Variants in DNAH8 observed in about 807,000 individuals in gnomAD.
DNAH8 encodes the protein dynein axonemal heavy chain 8.
In DNAH8, 382 loss-of-function variants were observed where a neutral mutation model predicts 562.1. The ratio of observed to expected loss-of-function variants is 0.68; its 90% CI spans 0.63 to 0.74. The LOEUF (loss-of-function observed/expected upper bound fraction) is 0.74, where lower values mean the gene tolerates loss of function less well. DNAH8 is among the 30% of genes least tolerant of loss of function. DNAH8 has a pLI of 0.00. For missense variants in DNAH8, 5,203 were observed against 5,620.4 expected (o/e 0.93, Z 2.37); for synonymous variants, 1,881 against 1,919.4 (o/e 0.98, Z 0.52).
chr6:38,782,173 C>G (rs1470350090), intron 16 of DNAH8, among the ~76,000 whole-genome samples: 1 of 151,992 alleles, frequency 6.6e-6, no homozygotes, highest in East Asian at 1.9e-4. Flanking sequence ...GACTCAGTTG[C>G]TGATTGACTT....
chr6:38,872,601 A>C lies in DNAH8; in HGVS notation c.7056A>C (p.Thr2352=). ...MTLGPSGSGK[T]TVITILMKAQ... is the part of the protein sequence containing the mutation. ...TTGGGCCCAGTGGTTCTGGAAAGACAACCGTTATCACGATTCTAATGAAGG... is the reference window on the plus strand; with the variant it reads ...TTGGGCCCAGTGGTTCTGGAAAGACCACCGTTATCACGATTCTAATGAAGG... The change falls in exon 50 of 93, where the codon ACA becomes ACC. Residue 2352 remains threonine, a synonymous_variant. Transcript: ENST00000327475. The C allele has an allele frequency of 6.2e-7, 1 of 1,614,106 alleles. No homozygotes were observed. Among genetic ancestry groups the C allele is most frequent in the Non-Finnish European group, 8.5e-7 (1 of 1,179,966 alleles).
chr6:38,853,209 A>G lies in DNAH8; in HGVS notation c.5595A>G (p.Lys1865=), dbSNP rs200981518. 1 of 1,609,688 alleles carries G rather than the reference A, an allele frequency of 6.2e-7. No individual in the cohort carries two copies. The highest frequency in any genetic ancestry group is 2.2e-5 in the East Asian group (1 of 44,780). The change falls in exon 41 of 93, where the codon AAA becomes AAG. Residue 1865 remains lysine, a synonymous_variant. Coordinates refer to ENST00000327475, the MANE Select transcript of DNAH8 (RefSeq NM_001206927.2). ...AGTTGGATAATTCTGTTATGGCCAAAGGTCCTGTGGAGATTTGGCTACTGG... is the reference window on the plus strand; with the variant it reads ...AGTTGGATAATTCTGTTATGGCCAAGGGTCCTGTGGAGATTTGGCTACTGG... ...KIVLDNSVMA[K]GPVEIWLLDL...
intron 24 of DNAH8, among the ~76,000 whole-genome samples, chr6:38,809,048 C>A (rs1771556617): frequency 6.6e-6 from 1 of 151,474 alleles, no homozygotes; most frequent in African/African-American, 2.4e-5. Context: ...ATGTAACAAA[C>A]CTGCATGTTC....
At chr6:39,000,489 C>T (rs1765417202) in intron 88 of DNAH8, among the ~76,000 whole-genome samples, 2 of 152,136 alleles carry the variant, frequency 1.3e-5, no homozygotes, top group South Asian at 2.1e-4. Flanking sequence ...GCTCTGCTTC[C>T]CGTCAGATCA....
chr6:38,782,622 T>A (rs112020536), intron 16 of DNAH8, among the ~76,000 whole-genome samples: 1 of 152,172 alleles, frequency 6.6e-6, no homozygotes, highest in South Asian at 2.1e-4. Flanking sequence ...GGTTACCTTT[T>A]TTTGCGTGCT....
At chr6:38,888,400 T>C (rs1344609871) in intron 57 of DNAH8, among the ~76,000 whole-genome samples, 1 of 152,080 alleles carries the variant, frequency 6.6e-6, no homozygotes, top group Non-Finnish European at 1.5e-5. Flanking sequence ...TTTGACTAGA[T>C]TGAAATGTAA....
rs752620022 is a variant in DNAH8 at position 38,909,718 on chromosome 6, A to C, written c.9714A>C (p.Ser3238=). The C allele has an allele frequency of 1.2e-6, 2 of 1,614,090 alleles. No individual in the cohort carries two copies. The highest frequency in any genetic ancestry group is 1.7e-6 in the Non-Finnish European group (2 of 1,179,938). The part of the protein sequence containing the change: ...ETMGLFHDMV[S]ESCESYFQRY... Reference sequence around the variant, plus strand: ...TGGGCCTGTTTCATGACATGGTTTCAGAGAGCTGTGAAAGTTATTTCCAAA... The same window carrying C: ...TGGGCCTGTTTCATGACATGGTTTCCGAGAGCTGTGAAAGTTATTTCCAAA... Residue 3238 remains serine (S), a synonymous_variant, in exon 65 of 93, where the codon TCA becomes TCC. Transcript: ENST00000327475.
At chr6:38,732,547 G>T (rs1023195685) in intron 4 of DNAH8, among the ~76,000 whole-genome samples, 1 of 152,130 alleles carries the variant, frequency 6.6e-6, no homozygotes, top group Non-Finnish European at 1.5e-5. Context: ...GCAGTGTTTC[G>T]GGAGGCGGAA....
chr6:38,870,500 GC>G lies in DNAH8; in HGVS notation c.6931del (p.His2311IlefsTer5). ...TTATGCAGAACTGCAAAACGCAGTAGCCCATCAGGTTCAGATAGAGGGTTTG... is the reference window on the plus strand; with the variant it reads ...TTATGCAGAACTGCAAAACGCAGTAGCCATCAGGTTCAGATAGAGGGTTTG... The part of the protein sequence containing the change: ...NTYAELQNAV[A>X]HQVQIEGLIN... On this transcript the variant is annotated frameshift_variant, in exon 49 of 93. Transcript: ENST00000327475. LOFTEE classifies it high-confidence loss of function. 1 of 1,614,018 alleles carries G rather than the reference GC, an allele frequency of 6.2e-7. No homozygotes were observed. Among genetic ancestry groups the G allele is most frequent in the Non-Finnish European group, 8.5e-7 (1 of 1,179,960 alleles).
chr6:38,967,944 A>G (rs971439454), intron 82 of DNAH8, among the ~76,000 whole-genome samples: 6 of 152,208 alleles, frequency 3.9e-5, no homozygotes, highest in Non-Finnish European at 8.8e-5. Flanking sequence ...TGCAAAGAAT[A>G]TATATCTCAA....
chr6:38,759,155 T>A (rs568399934), intron 10 of DNAH8, among the ~76,000 whole-genome samples: 57 of 152,050 alleles, frequency 3.7e-4, no homozygotes, highest in African/African-American at 1.3e-3. Context: ...AAAATTTTTT[T>A]AAGTTAGCTG....
At chr6:38,782,825 C>G (rs145746708) in intron 16 of DNAH8, among the ~76,000 whole-genome samples, 179 bp from the exon 17 acceptor site, 1 of 152,156 alleles carries the variant, frequency 6.6e-6, no homozygotes, top group Non-Finnish European at 1.5e-5. Flanking sequence ...ATACTGATAA[C>G]GTTTCCCTAC....
chr6:39,001,849 G>A (rs929036202), intron 88 of DNAH8, among the ~76,000 whole-genome samples: 1 of 152,176 alleles, frequency 6.6e-6, no homozygotes, highest in African/African-American at 2.4e-5. Context: ...GCCGCACACA[G>A]AGGATGATCA....
chr6:38,750,102 G>T (rs957598298), intron 8 of DNAH8, among the ~76,000 whole-genome samples: 1 of 152,218 alleles, frequency 6.6e-6, no homozygotes, highest in African/African-American at 2.4e-5. Context: ...AAAGTGCTGG[G>T]ATTACAGGCG....
At chr6:38,918,308 T>C (rs1781462363) in intron 70 of DNAH8, among the ~76,000 whole-genome samples, 168 bp downstream of exon 70, 2 of 152,228 alleles carry the variant, frequency 1.3e-5, no homozygotes, top group South Asian at 4.1e-4. Context: ...CTTCTTTTTA[T>C]ATCTGTTACA....
intron 82 of DNAH8, among the ~76,000 whole-genome samples, chr6:38,968,682 C>T (rs1020520313): frequency 2.0e-5 from 3 of 152,050 alleles, no homozygotes; most frequent in South Asian, 4.2e-4. Context: ...ACATTGCCAA[C>T]GGAAATGTAA....
At chr6:38,796,758 A>G (rs569646823) in intron 21 of DNAH8, among the ~76,000 whole-genome samples, 18 of 152,178 alleles carry the variant, frequency 1.2e-4, no homozygotes, top group South Asian at 1.0e-3. Flanking sequence ...TAAGCCCTTA[A>G]AAGGGACAGC....
chr6:38,781,303 C>T lies in DNAH8; in HGVS notation c.2189C>T (p.Pro730Leu). ...DDPPLARNMP[P>L]IAGKILWVRQ... ...CCCCCTCTTGCTCGCAACATGCCCC[C>T]TATAGCAGGAAAAATACTCTGGGTG... Residue 730 changes from proline (P) to leucine (L), a missense_variant, in exon 16 of 93, where the codon CCT (proline) becomes CTT (leucine). Pro to Leu is a moderately conservative substitution (Grantham distance 98). Transcript: ENST00000327475. 3 of 1,613,924 alleles carry T rather than the reference C, an allele frequency of 1.9e-6. No individual in the cohort carries two copies. Among genetic ancestry groups the T allele is most frequent in the Non-Finnish European group, 2.5e-6 (3 of 1,179,932 alleles).
chr6:38,744,779 A>T (rs1348645335), intron 8 of DNAH8, among the ~76,000 whole-genome samples: 1 of 151,932 alleles, frequency 6.6e-6, no homozygotes, highest in Non-Finnish European at 1.5e-5. Flanking sequence ...AATTTTTTTT[A>T]TAGAGATAGG....
Sources: allele counts gnomAD v4.1 joint callset (sites outside exome capture counted in the v4.1 genomes callset), GRCh38; gene constraint gnomAD v4.1.1; transcripts MANE v1.5; gene names NCBI Gene and HGNC (gene_info 2026-07-23, HGNC 2026-07-21).